SH3RF3: variants seen among roughly 807,000 people sequenced by gnomAD.
The protein encoded by SH3RF3 is E3 ubiquitin-protein ligase SH3RF3.
A neutral mutation model predicts 66.3 loss-of-function variants in SH3RF3; 29 were observed. That is an observed-to-expected ratio of 0.44 (90% confidence interval 0.33 to 0.60). The LOEUF is 0.60. Among genes scored for constraint, SH3RF3 ranks in the 20% least tolerant of loss-of-function variants. SH3RF3 has a pLI of 0.04. For synonymous variants in SH3RF3, 583 were observed against 532.0 expected, an observed-to-expected ratio of 1.10 and a Z score of -1.32; for missense variants, 1,194 against 1,190.9, an observed-to-expected ratio of 1.00 and a Z score of -0.04.
At chr2:109,312,248 C>T (rs1681747286) in intron 1 of SH3RF3, among the ~76,000 whole-genome samples, 1 of 152,276 alleles carries the variant, frequency 6.6e-6, no homozygotes. Flanking sequence ...ACAAATGTAC[C>T]TCAGAGCTGG....
intron 3 of SH3RF3, among the ~76,000 whole-genome samples, chr2:109,386,530 T>A (rs956867869): frequency 2.0e-5 from 3 of 152,244 alleles, no homozygotes; most frequent in Non-Finnish European, 4.4e-5. Flanking sequence ...CAGCGTTAGC[T>A]GGATCTTGGG....
Position 109,259,142 on chromosome 2 carries a change from G to A in SH3RF3, c.574-88532G>A, listed in dbSNP as rs1056378634. ...ACATGTAATAGCTGCAACATGCCAC[G>A]CGGCTTGTGGCTGAAGTTACTTACA... On this transcript the variant is annotated intron_variant, in intron 1 of 9. Transcript: ENST00000309415. Among the ~76,000 whole-genome samples, 9 of 152,362 alleles carry A rather than the reference G, an allele frequency of 5.9e-5. No individual in the cohort carries two copies. In the South Asian group the frequency reaches 6.2e-4, roughly 11 times the overall value.
intron 8 of SH3RF3, among the ~76,000 whole-genome samples, chr2:109,451,837 G>A (rs1677877728): frequency 1.3e-5 from 2 of 152,248 alleles, no homozygotes; most frequent in Admixed American, 1.3e-4. Flanking sequence ...GAGCCTCTGT[G>A]GGCAGCAGAA....
intron 2 of SH3RF3, among the ~76,000 whole-genome samples, chr2:109,356,560 T>C (rs912356147): frequency 6.6e-6 from 1 of 152,288 alleles, no homozygotes; most frequent in African/African-American, 2.4e-5. Context: ...GGCCCCCTCC[T>C]CCTCCTTGGG....
At chr2:109,271,983 G>T (rs150878897) in intron 1 of SH3RF3, among the ~76,000 whole-genome samples, 1 of 152,188 alleles carries the variant, frequency 6.6e-6, no homozygotes, top group African/African-American at 2.4e-5. Flanking sequence ...TTCAGAATGG[G>T]GTCTTTGGGT....
intron 1 of SH3RF3, among the ~76,000 whole-genome samples, chr2:109,209,210 C>T (rs1486513346): frequency 2.6e-5 from 4 of 152,146 alleles, no homozygotes; most frequent in African/African-American, 9.7e-5. Context: ...TCTCATATGC[C>T]GTGGCATCAA....
chr2:109,179,387 C>T (rs1451376151), intron 1 of SH3RF3, among the ~76,000 whole-genome samples: 2 of 152,182 alleles, frequency 1.3e-5, no homozygotes, highest in Non-Finnish European at 2.9e-5. Context: ...GAGGACATGA[C>T]TTGCCCAGAG....
At chr2:109,501,432 A>T in intron 9 of SH3RF3, 71 bp from the exon 10 acceptor site, 4 of 677,904 alleles carry the variant, frequency 5.9e-6, no homozygotes, top group Non-Finnish European at 1.1e-5. Context: ...ACACCGAGGG[A>T]AGAAGAGAAA....
intron 4 of SH3RF3, among the ~76,000 whole-genome samples, chr2:109,409,198 T>G (rs1230878184): frequency 6.6e-6 from 1 of 152,230 alleles, no homozygotes; most frequent in African/African-American, 2.4e-5. Flanking sequence ...ATCACAACTT[T>G]CACTTTTTGG....
chr2:109,491,854 C>T (rs952781878), intron 9 of SH3RF3, among the ~76,000 whole-genome samples: 15 of 152,210 alleles, frequency 9.9e-5, no homozygotes, highest in Non-Finnish European at 1.6e-4. Context: ...CTTGGCCGTT[C>T]GGGTGCCTGC....
At chr2:109,424,060 C>T (rs1480647928) in intron 5 of SH3RF3, among the ~76,000 whole-genome samples, 1 of 152,216 alleles carries the variant, frequency 6.6e-6, no homozygotes, top group Non-Finnish European at 1.5e-5. Context: ...GGTGGCAGCA[C>T]ATCCCCACCG....
chr2:109,356,034 A>G (rs759411385), intron 2 of SH3RF3, among the ~76,000 whole-genome samples: 5 of 152,152 alleles, frequency 3.3e-5, no homozygotes, highest in Non-Finnish European at 7.4e-5. Context: ...TAGCCCTAAC[A>G]TGCTACAGTG....
rs568855046 is a variant in SH3RF3, at chr2:109,288,195, C to A, written c.574-59479C>A. ...TAGATGCGATGTGTTTGCAGCCATT[C>A]AGAATAGGTGCAAGGATCCAAATCC... On this transcript the variant is annotated intron_variant, in intron 1 of 9. Coordinates refer to ENST00000309415, the MANE Select transcript of SH3RF3 (RefSeq NM_001099289.3). Among the ~76,000 whole-genome samples the A allele has an allele frequency of 2.6e-5, 4 of 152,318 alleles. No individual in the cohort carries two copies. The South Asian group carries it at 8.3e-4, about 32-fold the overall frequency.
At chr2:109,313,308 G>A (rs1681779168) in intron 1 of SH3RF3, among the ~76,000 whole-genome samples, 1 of 152,224 alleles carries the variant, frequency 6.6e-6, no homozygotes, top group Non-Finnish European at 1.5e-5. Flanking sequence ...ATCCCAAGGG[G>A]GGAGGCTGGC....
chr2:109,469,105 C>T (rs1678436317), intron 8 of SH3RF3, among the ~76,000 whole-genome samples: 1 of 152,164 alleles, frequency 6.6e-6, no homozygotes, highest in Non-Finnish European at 1.5e-5. Flanking sequence ...TGTGGCTTTG[C>T]ACCTTGTGGC....
intron 1 of SH3RF3, among the ~76,000 whole-genome samples, chr2:109,283,753 G>A (rs1318782825): frequency 2.6e-5 from 4 of 152,212 alleles, no homozygotes; most frequent in African/African-American, 4.8e-5. Flanking sequence ...GAGGTGCTAC[G>A]TGCTGGATTT....
At chr2:109,326,064 C>T (rs1459126898) in intron 1 of SH3RF3, among the ~76,000 whole-genome samples, 1 of 152,226 alleles carries the variant, frequency 6.6e-6, no homozygotes, top group Non-Finnish European at 1.5e-5. Flanking sequence ...CAGGGGTATC[C>T]TGGGCGTATG....
intron 1 of SH3RF3, among the ~76,000 whole-genome samples, chr2:109,268,412 G>A (rs1236487355): frequency 1.3e-5 from 2 of 152,134 alleles, no homozygotes; most frequent in African/African-American, 2.4e-5. Context: ...GAGAGCTGGG[G>A]TGCTCTGTCC....
intron 1 of SH3RF3, among the ~76,000 whole-genome samples, chr2:109,180,952 ATAT>A (rs1487740191): frequency 1.3e-5 from 2 of 152,190 alleles, no homozygotes; most frequent in Admixed American, 6.5e-5. Context: ...TCTCCATGCA[ATAT>A]GTTTACCCTG....
Sources: allele counts gnomAD v4.1 joint callset (sites outside exome capture counted in the v4.1 genomes callset), GRCh38; gene constraint gnomAD v4.1.1; transcripts MANE v1.5; gene names NCBI Gene and HGNC (gene_info 2026-07-23, HGNC 2026-07-21).